The following SFI1 variants were observed in gnomAD, a reference collection of about 807,000 sequenced individuals.
The protein encoded by SFI1 is SFI1 centrin binding protein, also known as protein SFI1 homolog.
SFI1 carries 195 observed loss-of-function variants against 207.5 expected under a neutral mutation model. That is an observed-to-expected ratio of 0.94 (90% CI 0.84 to 1.06). The LOEUF is 1.06. SFI1 is among the 50% of genes least tolerant of loss of function. The pLI, the probability that SFI1 is intolerant of heterozygous loss-of-function variation, is 0.00. For synonymous variants in SFI1, 630 were observed against 598.9 expected (o/e 1.05, Z -0.76); for missense variants, 1,634 against 1,588.0 (o/e 1.03, Z -0.49).
At chr22:31,617,732 A>G (rs1411129898) in intron 31 of SFI1, among the ~76,000 whole-genome samples, 1 of 151,968 alleles carries the variant, frequency 6.6e-6, no homozygotes, top group African/African-American at 2.4e-5. Context: ...AAAAAAAAAA[A>G]AAATGCAGAG....
At chr22:31,512,846 C>T (rs1443586331) in intron 2 of SFI1, among the ~76,000 whole-genome samples, 1 of 152,102 alleles carries the variant, frequency 6.6e-6, no homozygotes, top group Non-Finnish European at 1.5e-5. Flanking sequence ...GCCACCACGC[C>T]CGGCTAATTT....
intron 1 of SFI1, among the ~76,000 whole-genome samples, chr22:31,497,675 TAGAAATGAC>T (rs1355778528): frequency 4.6e-5 from 7 of 151,878 alleles, no homozygotes; most frequent in Admixed American, 1.3e-4. Flanking sequence ...ATGACGAAGC[TAGAAATGAC>T]GAAGCTAGAA....
chr22:31,610,432 T>TC (rs1235965327), intron 22 of SFI1, among the ~76,000 whole-genome samples: 3 of 152,150 alleles, frequency 2.0e-5, no homozygotes, highest in African/African-American at 7.2e-5. Context: ...TGTGGGTGCC[T>TC]CCCACTTGTG....
At position 31,604,414 on chromosome 22, in the gene SFI1, G is replaced by T. The variant is rs1326914031; in HGVS notation, c.1977+10G>T. ...GCTGCAGGCATGGGTGGTAGGAACT[G>T]CTGCTTCCCTCCTGATCTTGCTGTG... On this transcript the variant is annotated intron_variant, in intron 19 of 32. Transcript: ENST00000400288. The T allele has an allele frequency of 5.3e-6, 8 of 1,510,626 alleles. No homozygotes were observed. In the East Asian group the frequency reaches 1.7e-4, roughly 32 times the overall value. The allele number at this position is 1,510,626 out of a possible 1,614,324, so 93.6% of individuals were successfully genotyped here. A position where few individuals can be genotyped will look rare whatever the true frequency, so the allele number is the denominator to read the frequency against.
At chr22:31,554,715 T>C (rs756401689) in intron 6 of SFI1, among the ~76,000 whole-genome samples, 11 of 151,642 alleles carry the variant, frequency 7.3e-5, no homozygotes, top group Non-Finnish European at 1.6e-4. Context: ...CAAGCAATTA[T>C]CTTGCCTCAG....
In SFI1 at chr22:31,546,870, T is replaced by G. The variant is rs1305389828; in HGVS notation, c.348T>G (p.Tyr116Ter). The change falls in exon 5 of 33, where the codon TAT (tyrosine) becomes TAG (stop). Residue 116 changes from tyrosine to a stop codon, truncating the protein, a stop_gained. Transcript: ENST00000400288. LOFTEE classifies it high-confidence loss of function. ...RVFPSKARFY[Y>*]EQRLLRKVFE... ...TTTTTTTTTGCCGTAGATTTTACTA[T>G]GAGCAGCGATTACTACGGAAGGTCT... 1 of 1,600,162 alleles carries G rather than the reference T, an allele frequency of 6.2e-7. No homozygotes were observed. Among genetic ancestry groups the G allele is most frequent in the Non-Finnish European group, 8.5e-7 (1 of 1,173,322 alleles).
intron 5 of SFI1, among the ~76,000 whole-genome samples, chr22:31,548,071 T>A (rs1240899062): frequency 6.6e-6 from 1 of 150,782 alleles, no homozygotes; most frequent in Non-Finnish European, 1.5e-5. Flanking sequence ...AAAAACAAAA[T>A]TGGCTAGGCG....
At chr22:31,617,232 T>C (rs1264761712) in intron 31 of SFI1, among the ~76,000 whole-genome samples, 154 bp downstream of exon 31, 3 of 152,038 alleles carry the variant, frequency 2.0e-5, no homozygotes, top group Non-Finnish European at 2.9e-5. Context: ...CCTCAGTGTG[T>C]GCTGTCCAGA....
intron 27 of SFI1, 57 bp downstream of exon 27, chr22:31,613,912 G>T: frequency 6.6e-7 from 1 of 1,515,758 alleles, no homozygotes; most frequent in Admixed American, 2.1e-5. Flanking sequence ...AGGTTGGATG[G>T]CATAGCAGGG....
intron 14 of SFI1, among the ~76,000 whole-genome samples, chr22:31,586,193 C>T (rs901789626): frequency 6.6e-6 from 1 of 152,098 alleles, no homozygotes; most frequent in Admixed American, 6.6e-5. Flanking sequence ...TTTGTACCTC[C>T]AGTTCTCTAT....
At position 31,602,711 on chromosome 22, in the gene SFI1, T is replaced by C; in HGVS notation, c.1731T>C (p.Cys577=). The C allele has an allele frequency of 6.2e-7, 1 of 1,613,988 alleles. No homozygotes were observed. Among genetic ancestry groups the C allele is most frequent in the East Asian group, 2.2e-5 (1 of 44,882 alleles). ...HQEQEWQTVA[C]AHHRHGRLKK... ...AGCAGGAGTGGCAAACAGTGGCCTG[T>C]GCCCACCACCGCCACGGGCGGCTCA... Residue 577 remains cysteine (C), a synonymous_variant, in exon 17 of 33, where the codon TGT becomes TGC. Transcript: ENST00000400288.
intron 7 of SFI1, among the ~76,000 whole-genome samples, chr22:31,557,869 C>T (rs2061326126): frequency 6.6e-6 from 1 of 152,166 alleles, no homozygotes; most frequent in Admixed American, 6.6e-5. Flanking sequence ...AATTAGTCCA[C>T]TTTTATAGCC....
In SFI1 at chr22:31,609,200, G is replaced by A. The variant is rs529235789; in HGVS notation, c.2254+1167G>A. 6.6e-5 allele frequency among the ~76,000 whole-genome samples: 10 copies of A among 152,198 alleles called. No homozygotes were observed. In the South Asian group the frequency reaches 8.3e-4, roughly 13 times the overall value. On this transcript the variant is annotated intron_variant, in intron 22 of 32. Coordinates refer to ENST00000400288, the MANE Select transcript of SFI1 (RefSeq NM_001007467.3). ...TTCTTAGTAGAGACAGGATTTCACC[G>A]TGTTAGCTGGGATGGTCTCGATCTC...
chr22:31,499,354 C>G (rs2053320787), intron 1 of SFI1, among the ~76,000 whole-genome samples: 1 of 152,050 alleles, frequency 6.6e-6, no homozygotes, highest in Admixed American at 6.6e-5. Context: ...GTCACCACGC[C>G]TGGCTAATTT....
rs745841961 is a variant in SFI1 at position 31,617,087 on chromosome 22, T to G, written c.3512+9T>G. ...ACCAAGCAGAACCTCTGGTGAGCCC[T>G]GCGAAACGCCCTGCAGCCCTGGCTA... On this transcript the variant is annotated intron_variant, in intron 31 of 32. Coordinates refer to ENST00000400288, the MANE Select transcript of SFI1 (RefSeq NM_001007467.3). The G allele has an allele frequency of 1.9e-6, 3 of 1,613,752 alleles. No homozygotes were observed. The South Asian group carries it at 3.3e-5, about 18-fold the overall frequency.
chr22:31,591,124 GTGTT>G (rs2065839119), intron 15 of SFI1, among the ~76,000 whole-genome samples: 1 of 152,124 alleles, frequency 6.6e-6, no homozygotes, highest in Non-Finnish European at 1.5e-5. Flanking sequence ...GCCTTCCGCA[GTGTT>G]TGTGTCCCTG....
chr22:31,567,184 C>T (rs1352452567), intron 8 of SFI1, among the ~76,000 whole-genome samples: 2 of 152,172 alleles, frequency 1.3e-5, no homozygotes, highest in Non-Finnish European at 2.9e-5. Flanking sequence ...GGATTACAGG[C>T]GTGAGCCACC....
intron 4 of SFI1, among the ~76,000 whole-genome samples, chr22:31,535,410 G>A (rs144754738): frequency 6.6e-6 from 1 of 151,392 alleles, no homozygotes; most frequent in Non-Finnish European, 1.5e-5. Context: ...GGCTGGTCTC[G>A]AACTCCTGAC....
chr22:31,550,390 T>A, intron 6 of SFI1, 42 bp downstream of exon 6: 1 of 1,504,224 alleles, frequency 6.6e-7, no homozygotes, highest in Non-Finnish European at 9.2e-7. Context: ...TGCCCACATT[T>A]ACTTTGCAGA....
Sources: allele counts gnomAD v4.1 joint callset (sites outside exome capture counted in the v4.1 genomes callset), GRCh38; gene constraint gnomAD v4.1.1; transcripts MANE v1.5; gene names NCBI Gene and HGNC (gene_info 2026-07-23, HGNC 2026-07-21).